PTPRR: variants seen among roughly 807,000 people sequenced by gnomAD.
The protein encoded by PTPRR is receptor-type tyrosine-protein phosphatase R.
Under a neutral mutation model 77.2 loss-of-function variants are expected in PTPRR, and 38 were observed. That is an observed-to-expected ratio of 0.49 (90% CI 0.38 to 0.65). The LOEUF is 0.65. Among genes scored for constraint, PTPRR ranks in the 30% least tolerant of loss-of-function variants. PTPRR has a pLI of 0.00. For missense variants in PTPRR, 744 were observed against 799.2 expected (o/e 0.93, Z 0.83); for synonymous variants, 299 against 283.1 (o/e 1.06, Z -0.57).
chr12:70,678,641 C>G (rs12580842), intron 10 of PTPRR, among the ~76,000 whole-genome samples: 9,211 of 151,984 alleles, frequency 0.061, 445 homozygotes, highest in East Asian at 0.15. Context: ...TTATTTACTT[C>G]CTTCTACTAA....
In PTPRR at chr12:70,638,382, C is replaced by CTTGATACTT. The variant is rs1485925242; in HGVS notation, c.*793_*801dup. On this transcript the variant is annotated 3_prime_UTR_variant, in exon 14 of 14. Coordinates refer to ENST00000283228, the MANE Select transcript of PTPRR (RefSeq NM_002849.4). ...AAAAGAGAGACAAGTAGTTAAAACT[C>CTTGATACTT]TTGATACTTCAGAGTTGCTACAAAT... The CTTGATACTT allele has an allele frequency of 8.5e-5, 13 of 152,546 alleles. No homozygotes were observed. Among genetic ancestry groups the CTTGATACTT allele is most frequent in the Admixed American group, 8.5e-4 (13 of 15,274 alleles). 9.4% of individuals were successfully genotyped at this position (152,546 alleles called of 1,614,324 possible). A position where few individuals can be genotyped will look rare whatever the true frequency, so the allele number is the denominator to read the frequency against.
chr12:70,774,982 AAC>A (rs1217180322), intron 2 of PTPRR, among the ~76,000 whole-genome samples: 1 of 152,248 alleles, frequency 6.6e-6, no homozygotes, highest in Non-Finnish European at 1.5e-5. Context: ...GTTGCTGTAC[AAC>A]ATTCTGCGAT....
At chr12:70,879,245 G>A (rs1245256561) in intron 2 of PTPRR, among the ~76,000 whole-genome samples, 1 of 152,002 alleles carries the variant, frequency 6.6e-6, no homozygotes, top group East Asian at 1.9e-4. Flanking sequence ...AGAACTTTAA[G>A]TATAATTAAA....
intron 6 of PTPRR, among the ~76,000 whole-genome samples, chr12:70,703,281 G>A (rs1458166596): frequency 6.6e-6 from 1 of 151,984 alleles, no homozygotes; most frequent in Non-Finnish European, 1.5e-5. Flanking sequence ...TATATGTTTT[G>A]GGGGGTATGT....
chr12:70,692,597 T>A (rs113596022), intron 8 of PTPRR, among the ~76,000 whole-genome samples: 1 of 152,152 alleles, frequency 6.6e-6, no homozygotes, highest in Non-Finnish European at 1.5e-5. Flanking sequence ...ACGTGTATCA[T>A]ATAATCTAGC....
At chr12:70,720,590 C>T (rs184786901) in intron 6 of PTPRR, among the ~76,000 whole-genome samples, 25 of 150,838 alleles carry the variant, frequency 1.7e-4, no homozygotes, top group Middle Eastern at 3.4e-3. Flanking sequence ...CAGCTCACTG[C>T]AACCTCCAAC....
chr12:70,680,417 G>A (rs1476768975), intron 10 of PTPRR, among the ~76,000 whole-genome samples: 3 of 152,214 alleles, frequency 2.0e-5, no homozygotes, highest in Non-Finnish European at 4.4e-5. Context: ...AGATGTGTCT[G>A]AGGGTATTGG....
chr12:70,894,150 T>A (rs78034909), intron 1 of PTPRR, among the ~76,000 whole-genome samples: 1 of 151,878 alleles, frequency 6.6e-6, no homozygotes, highest in African/African-American at 2.4e-5. Flanking sequence ...GTGCTGTCCT[T>A]AGAAAATTAC....
intron 2 of PTPRR, among the ~76,000 whole-genome samples, chr12:70,776,364 G>A (rs540491948): frequency 6.6e-6 from 1 of 152,180 alleles, no homozygotes; most frequent in African/African-American, 2.4e-5. Flanking sequence ...TGGACTATTT[G>A]GCTAGAATCC....
chr12:70,820,492 C>T (rs1891987219), intron 2 of PTPRR, among the ~76,000 whole-genome samples: 1 of 152,204 alleles, frequency 6.6e-6, no homozygotes, highest in Non-Finnish European at 1.5e-5. Context: ...CGCCACCACG[C>T]CTGGCTAATT....
intron 2 of PTPRR, among the ~76,000 whole-genome samples, chr12:70,784,187 T>G (rs995078967): frequency 6.6e-6 from 1 of 152,150 alleles, no homozygotes; most frequent in Non-Finnish European, 1.5e-5. Context: ...GGGCGGGGCT[T>G]CTGCCTACTC....
At chr12:70,813,801 T>C (rs1251327606) in intron 2 of PTPRR, among the ~76,000 whole-genome samples, 1 of 152,114 alleles carries the variant, frequency 6.6e-6, no homozygotes, top group Non-Finnish European at 1.5e-5. Flanking sequence ...AGCAGAGTGC[T>C]GTATGGAAAA....
At chr12:70,888,737 G>A (rs1251769885) in intron 2 of PTPRR, among the ~76,000 whole-genome samples, 2 of 151,852 alleles carry the variant, frequency 1.3e-5, no homozygotes, top group African/African-American at 4.8e-5. Context: ...CTTTCTTTGA[G>A]TTTGCCCACC....
chr12:70,674,499 A>G (rs976766933), intron 10 of PTPRR, among the ~76,000 whole-genome samples: 1 of 152,164 alleles, frequency 6.6e-6, no homozygotes, highest in African/African-American at 2.4e-5. Context: ...ATTTTCATCC[A>G]TGAATTGTGT....
chr12:70,802,532 A>C (rs1415293917), intron 2 of PTPRR, among the ~76,000 whole-genome samples: 1 of 152,238 alleles, frequency 6.6e-6, no homozygotes, highest in African/African-American at 2.4e-5. Flanking sequence ...CACTTTTTGC[A>C]AACATCTGTT....
chr12:70,894,643 T>C (rs962982475), intron 1 of PTPRR, among the ~76,000 whole-genome samples: 3 of 151,738 alleles, frequency 2.0e-5, no homozygotes, highest in South Asian at 4.1e-4. Flanking sequence ...GGTCAGAAAG[T>C]TCATATACAT....
At chr12:70,875,340 T>C (rs1178963222) in intron 2 of PTPRR, among the ~76,000 whole-genome samples, 3 of 152,224 alleles carry the variant, frequency 2.0e-5, no homozygotes, top group Non-Finnish European at 2.9e-5. Flanking sequence ...TGTATGAGTG[T>C]ATGATTATTT....
intron 6 of PTPRR, among the ~76,000 whole-genome samples, chr12:70,741,470 C>T (rs1409765613): frequency 6.6e-6 from 1 of 152,132 alleles, no homozygotes; most frequent in African/African-American, 2.4e-5. Context: ...CTTGAATGCC[C>T]CTCCCTGTAT....
chr12:70,826,967 C>G (rs150003523), intron 2 of PTPRR, among the ~76,000 whole-genome samples: 14 of 152,322 alleles, frequency 9.2e-5, no homozygotes, highest in African/African-American at 3.1e-4. Flanking sequence ...CTCTTCCACC[C>G]TCCTAGAATG....
Sources: allele counts gnomAD v4.1 joint callset (sites outside exome capture counted in the v4.1 genomes callset), GRCh38; gene constraint gnomAD v4.1.1; transcripts MANE v1.5; gene names NCBI Gene and HGNC (gene_info 2026-07-23, HGNC 2026-07-21).